The following CFAP47 variants were observed in gnomAD, a reference collection of about 807,000 sequenced individuals.
The protein encoded by CFAP47 is cilia- and flagella-associated protein 47.
CFAP47 carries 29 observed loss-of-function variants against 148.1 expected under a neutral mutation model. The observed-to-expected ratio is 0.20, with a 90% CI of 0.15 to 0.27. The LOEUF is 0.27. CFAP47 is among the 10% of genes least tolerant of loss of function. The pLI, the probability that CFAP47 is intolerant of heterozygous loss-of-function variation, is 1.00. For synonymous variants in CFAP47, 664 were observed against 577.3 expected, an observed-to-expected ratio of 1.15 and a Z score of -2.15; for missense variants, 1,872 against 1,697.5, an observed-to-expected ratio of 1.10 and a Z score of -1.81.
At chrX:36,011,929 G>A (rs1470624552) in intron 21 of CFAP47, among the ~76,000 whole-genome samples, 1 of 111,757 alleles carries the variant, frequency 8.9e-6, no homozygotes, top group Non-Finnish European at 1.9e-5. Flanking sequence ...CTTTGCCCAT[G>A]CCTGTGTCCC....
At chrX:36,201,911 T>C (rs1380593807) in intron 44 of CFAP47, among the ~76,000 whole-genome samples, 1 of 110,558 alleles carries the variant, frequency 9.0e-6, no homozygotes, top group East Asian at 2.8e-4. Flanking sequence ...GGTAGAATCA[T>C]CTCTGGTGTC....
chrX:36,148,459 C>A (rs1319453126), intron 36 of CFAP47, among the ~76,000 whole-genome samples: 1 of 111,828 alleles, frequency 8.9e-6, no homozygotes, highest in African/African-American at 3.3e-5. Context: ...CTTTGTCAGT[C>A]TTCCTAAAGA....
In CFAP47 at chrX:36,051,016, A is replaced by T. The variant is rs1025370466; in HGVS notation, c.4217+3953A>T. Among the ~76,000 whole-genome samples, 6 of 112,552 alleles carry T rather than the reference A, an allele frequency of 5.3e-5. No individual in the cohort carries two copies. In the South Asian group the frequency reaches 1.8e-3, roughly 34 times the overall value. The stretch of plus-strand genomic sequence containing the variant: ...GCAGGTGCACAGAAGTCAAGAGTCA[A>T]GGTTTGGGAACCTTCCCCTAGATTT... On this transcript the variant is annotated intron_variant, in intron 26 of 63. Transcript: ENST00000378653.
At chrX:36,306,098 A>G (rs964496735) in intron 54 of CFAP47, among the ~76,000 whole-genome samples, 1 of 112,173 alleles carries the variant, frequency 8.9e-6, no homozygotes, top group East Asian at 2.8e-4. Context: ...CTTTTCATAC[A>G]TGTGCCACTC....
At chrX:36,031,206 C>G (rs1937275109) in intron 22 of CFAP47, 47 bp from the exon 23 acceptor site, 1 of 282,902 alleles carries the variant, frequency 3.5e-6, no homozygotes, top group Admixed American at 6.4e-5. Context: ...TACCTATGGG[C>G]TTATATCTGT....
intron 48 of CFAP47, among the ~76,000 whole-genome samples, chrX:36,250,215 G>A (rs1569299805): frequency 2.7e-5 from 3 of 111,530 alleles, no homozygotes; most frequent in Non-Finnish European, 5.7e-5. Context: ...TGTACGCAAT[G>A]AAATACTATT....
chrX:35,956,046 T>C lies in CFAP47; in HGVS notation c.1260T>C (p.Asn420=), dbSNP rs1264558893. 1 of 1,210,323 alleles carries C rather than the reference T, an allele frequency of 8.3e-7. No individual in the cohort carries two copies. Among genetic ancestry groups the C allele is most frequent in the African/African-American group, 1.7e-5 (1 of 57,275 alleles). ...AGTTTGATCCAGGACCAGTTCTTAA[T>C]TTTAAACCTTGTTTCATGGGTGAAC... ...LLQFDPGPVL[N]FKPCFMGERS... Residue 420 remains asparagine (N), a synonymous_variant, in exon 8 of 64, where the codon AAT becomes AAC. Transcript: ENST00000378653.
At chrX:36,164,880 A>T (rs1306930088) in intron 39 of CFAP47, among the ~76,000 whole-genome samples, 1 of 111,737 alleles carries the variant, frequency 8.9e-6, no homozygotes, top group African/African-American at 3.2e-5. Context: ...TATATTTTAT[A>T]GTGGATGTCT....
chrX:36,000,161 A>G (rs1936897295), intron 19 of CFAP47, 122 bp from the exon 20 acceptor site: 2 of 251,972 alleles, frequency 7.9e-6, no homozygotes, highest in African/African-American at 2.9e-5. Context: ...AAATGTGACA[A>G]ATTTTTATAG....
intron 56 of CFAP47, among the ~76,000 whole-genome samples, chrX:36,317,600 A>G (rs1342358778): frequency 1.1e-5 from 1 of 89,253 alleles, no homozygotes; most frequent in African/African-American, 4.2e-5. Flanking sequence ...TTGTATTTTT[A>G]GTAGAGACGG....
intron 39 of CFAP47, among the ~76,000 whole-genome samples, chrX:36,163,907 G>A (rs1221617689): frequency 8.9e-6 from 1 of 112,054 alleles, no homozygotes; most frequent in Non-Finnish European, 1.9e-5. Context: ...ACCATGCCCA[G>A]TAATCTTAAA....
intron 8 of CFAP47, among the ~76,000 whole-genome samples, chrX:35,959,738 C>T (rs978964617): frequency 1.9e-5 from 2 of 107,698 alleles, no homozygotes; most frequent in African/African-American, 3.4e-5. Flanking sequence ...ACCCAGGAGG[C>T]GGAGGTTGCG....
chrX:36,283,291 G>A (rs1257924621), intron 50 of CFAP47, among the ~76,000 whole-genome samples: 1 of 111,276 alleles, frequency 9.0e-6, no homozygotes, highest in Non-Finnish European at 1.9e-5. Context: ...CTATTTTGTT[G>A]TTGTTTTCAT....
In CFAP47 at chrX:36,138,388, G is replaced by A. The variant is rs750735788; in HGVS notation, c.5459G>A (p.Ser1820Asn). 1 of 1,160,097 alleles carries A rather than the reference G, an allele frequency of 8.6e-7. No homozygotes were observed. Among genetic ancestry groups the A allele is most frequent in the Non-Finnish European group, 1.1e-6 (1 of 874,705 alleles). Residue 1820 changes from serine to asparagine, a missense_variant, in exon 35 of 64, where the codon AGT (serine) becomes AAT (asparagine). Coordinates refer to ENST00000378653, the MANE Select transcript of CFAP47 (RefSeq NM_001304548.2). ...HFINMYTRPK[S>N]PEEYLHNCLI... ...ATAAATATGTACACACGACCAAAAA[G>A]TCCTGAAGAGTATCTGCACAATTGC...
chrX:36,160,091 A>G (rs1939411741), intron 38 of CFAP47, among the ~76,000 whole-genome samples: 1 of 111,741 alleles, frequency 8.9e-6, no homozygotes, highest in Non-Finnish European at 1.9e-5. Flanking sequence ...ATGGATTATA[A>G]AGAAATTTAG....
intron 19 of CFAP47, among the ~76,000 whole-genome samples, chrX:35,998,084 C>T (rs1484044055): frequency 9.0e-6 from 1 of 110,951 alleles, no homozygotes; most frequent in Non-Finnish European, 1.9e-5. Flanking sequence ...CAAGACTATT[C>T]CTAAAATGTC....
At chrX:36,089,548 T>C (rs546756572) in intron 30 of CFAP47, among the ~76,000 whole-genome samples, 2 of 111,395 alleles carry the variant, frequency 1.8e-5, no homozygotes, top group South Asian at 7.5e-4. Context: ...TGAAGGAACA[T>C]GGCTTTTGAA....
intron 15 of CFAP47, among the ~76,000 whole-genome samples, chrX:35,987,241 GATGGGAATTTT>G (rs1053677925): frequency 9.0e-5 from 10 of 111,632 alleles, no homozygotes; most frequent in Admixed American, 3.8e-4. Context: ...GTCCCAGGGA[GATGGGAATTTT>G]ATCTATAAGC....
At chrX:36,123,437 C>A (rs1257944438) in intron 33 of CFAP47, among the ~76,000 whole-genome samples, 2 of 111,899 alleles carry the variant, frequency 1.8e-5, no homozygotes, top group African/African-American at 3.2e-5. Flanking sequence ...GGACTAAAGT[C>A]AAAAACCTTT....
Sources: gnomAD v4.1 joint callset for allele counts (sites outside exome capture counted in the v4.1 genomes callset) on GRCh38, gnomAD v4.1.1 for gene constraint, MANE v1.5 for transcripts, NCBI Gene and HGNC (gene_info 2026-07-23, HGNC 2026-07-21) for gene names.